Variants in RTTN observed in about 807,000 individuals in gnomAD.
The protein encoded by RTTN is rotatin.
RTTN carries 182 observed loss-of-function variants against 269.2 expected under a neutral mutation model. The ratio of observed to expected loss-of-function variants is 0.68; its 90% confidence interval spans 0.60 to 0.76. RTTN has a LOEUF of 0.76. Among genes scored for constraint, RTTN ranks in the 30% least tolerant of loss-of-function variants. The pLI is 0.00. For missense variants in RTTN, 2,545 were observed against 2,608.6 expected (o/e 0.98, Z 0.53); for synonymous variants, 1,006 against 963.5 (o/e 1.04, Z -0.82).
chr18:70,015,118 G>T (rs1028747565), intron 46 of RTTN, among the ~76,000 whole-genome samples: 4 of 149,330 alleles, frequency 2.7e-5, no homozygotes, highest in Non-Finnish European at 5.9e-5. Flanking sequence ...TCACTCTGTT[G>T]CCCAGGCTGG....
chr18:70,201,554 G>A (rs2061948006), intron 4 of RTTN, among the ~76,000 whole-genome samples: 1 of 127,148 alleles, frequency 7.9e-6, no homozygotes, highest in South Asian at 2.8e-4. Flanking sequence ...CTTGCAGTGA[G>A]CCGAGATCCC....
intron 31 of RTTN, 114 bp downstream of exon 31, chr18:70,087,875 C>G (rs2145197388): frequency 2.8e-6 from 3 of 1,087,906 alleles, no homozygotes; most frequent in Non-Finnish European, 3.9e-6. Context: ...TGTTCACAGA[C>G]AGAAGAGATC....
intron 22 of RTTN, among the ~76,000 whole-genome samples, 163 bp downstream of exon 22, chr18:70,135,021 C>T (rs1225224913): frequency 2.0e-5 from 3 of 152,118 alleles, no homozygotes; most frequent in Non-Finnish European, 4.4e-5. Flanking sequence ...AGCTAATAGG[C>T]TTTTGAATAC....
At chr18:70,086,956 G>C (rs1393463483) in intron 31 of RTTN, among the ~76,000 whole-genome samples, 1 of 151,824 alleles carries the variant, frequency 6.6e-6, no homozygotes, top group African/African-American at 2.4e-5. Context: ...TCCTATTTCA[G>C]AATTCAGCTT....
chr18:70,040,315 T>A (rs888250987), intron 40 of RTTN, among the ~76,000 whole-genome samples: 28 of 133,522 alleles, frequency 2.1e-4, no homozygotes, highest in African/African-American at 5.4e-4. Flanking sequence ...AAAAAAAAAA[T>A]TGGGAGTAGC....
chr18:70,022,829 G>A (rs753828414), intron 44 of RTTN, among the ~76,000 whole-genome samples: 2 of 151,768 alleles, frequency 1.3e-5, no homozygotes, highest in Non-Finnish European at 2.9e-5. Context: ...TTTTTCTGCT[G>A]GTTTCTCATC....
In RTTN at chr18:70,090,085, A is replaced by G. The variant is rs563166507; in HGVS notation, c.4144-1938T>C. 4.3e-4 allele frequency among the ~76,000 whole-genome samples: 66 copies of G among 152,338 alleles called. 1 individual carries two copies. The highest frequency in any genetic ancestry group is 2.3e-3 in the South Asian group (11 of 4,826). On this transcript the variant is annotated intron_variant, in intron 30 of 48. Transcript: ENST00000640769. ...AGACATCTCAGCAGAAGCCAGGAAT[A>G]GAGATGGGATTATATCAGCAAAGAC...
intron 34 of RTTN, among the ~76,000 whole-genome samples, chr18:70,067,886 T>C (rs1182946730): frequency 6.6e-6 from 1 of 152,200 alleles, no homozygotes; most frequent in Non-Finnish European, 1.5e-5. Context: ...AATAAAGATG[T>C]GATTTTCCTT....
intron 22 of RTTN, 55 bp from the exon 23 acceptor site, chr18:70,134,596 G>C (rs1262455878): frequency 2.4e-6 from 3 of 1,275,500 alleles, no homozygotes; most frequent in Non-Finnish European, 3.4e-6. Context: ...ACCAAGTTTT[G>C]TCTAACAAAT....
intron 40 of RTTN, among the ~76,000 whole-genome samples, chr18:70,042,121 A>G (rs2057358884): frequency 7.4e-6 from 1 of 134,480 alleles, no homozygotes; most frequent in East Asian, 2.4e-4. Flanking sequence ...TTACATAGCG[A>G]AAAAAAAAAA....
chr18:70,196,450 G>C (rs968152534), intron 7 of RTTN, 51 bp downstream of exon 7: 1 of 1,527,566 alleles, frequency 6.5e-7, no homozygotes, highest in Non-Finnish European at 8.9e-7. Flanking sequence ...AAGGTTCCCA[G>C]AAGAATCTAC....
At chr18:70,168,566 T>C (rs2061052702) in intron 12 of RTTN, among the ~76,000 whole-genome samples, 1 of 152,216 alleles carries the variant, frequency 6.6e-6, no homozygotes, top group South Asian at 2.1e-4. Context: ...AGTCACTTAA[T>C]AGAGGTACTC....
chr18:70,122,605 C>T lies in RTTN; in HGVS notation c.3384-905G>A, dbSNP rs561464451. On this transcript the variant is annotated intron_variant, in intron 25 of 48. Coordinates refer to ENST00000640769, the MANE Select transcript of RTTN (RefSeq NM_173630.4). ...GACCCAAGCAAAAATATGGTTAAGT[C>T]GTTTTTCCACAGTCACACGGCTAGC... Among the ~76,000 whole-genome samples the T allele has an allele frequency of 4.8e-4, 73 of 152,184 alleles. No homozygotes were observed. The South Asian group carries it at 7.3e-3, about 15-fold the overall frequency.
At chr18:70,024,371 T>A (rs2056792274) in intron 44 of RTTN, among the ~76,000 whole-genome samples, 1 of 152,222 alleles carries the variant, frequency 6.6e-6, no homozygotes, top group African/African-American at 2.4e-5. Flanking sequence ...GCCAGTCTCC[T>A]GCTCTAGAAT....
chr18:70,080,434 A>G (rs910554873), intron 32 of RTTN, among the ~76,000 whole-genome samples: 3 of 152,212 alleles, frequency 2.0e-5, no homozygotes, highest in Admixed American at 6.6e-5. Flanking sequence ...CACAAGAACC[A>G]TTATGAAGAA....
At chr18:70,103,870 C>A in intron 28 of RTTN, among the ~76,000 whole-genome samples, 1 of 151,942 alleles carries the variant, frequency 6.6e-6, no homozygotes, top group East Asian at 1.9e-4. Flanking sequence ...GTTAGTCTGA[C>A]GGGCTTCCCT....
At chr18:70,101,306 A>G (rs1010930610) in intron 28 of RTTN, among the ~76,000 whole-genome samples, 7 of 152,050 alleles carry the variant, frequency 4.6e-5, no homozygotes, top group Non-Finnish European at 1.0e-4. Context: ...TAGTCTTCGG[A>G]GGGTGTATGT....
chr18:70,133,624 A>AAT (rs944046871), intron 23 of RTTN, among the ~76,000 whole-genome samples: 2 of 152,054 alleles, frequency 1.3e-5, no homozygotes, highest in African/African-American at 4.8e-5. Flanking sequence ...AAAGCAATAT[A>AAT]ATAATGCACT....
At chr18:70,086,586 G>A (rs1448414870) in intron 32 of RTTN, 27 bp downstream of exon 32, 3 of 1,472,596 alleles carry the variant, frequency 2.0e-6, no homozygotes, top group Non-Finnish European at 2.8e-6. Flanking sequence ...ACATCTACTA[G>A]GTTGATAATT....
Sources: allele counts gnomAD v4.1 joint callset (sites outside exome capture counted in the v4.1 genomes callset), GRCh38; gene constraint gnomAD v4.1.1; transcripts MANE v1.5; gene names NCBI Gene and HGNC (gene_info 2026-07-23, HGNC 2026-07-21).